ELMO2: variants seen among roughly 807,000 people sequenced by gnomAD.
ELMO2 encodes the protein engulfment and cell motility protein 2.
In ELMO2, 37 loss-of-function variants were observed where a neutral mutation model predicts 96.2. The observed-to-expected ratio is 0.38, with a 90% CI of 0.30 to 0.51. The LOEUF (loss-of-function observed/expected upper bound fraction) is 0.51. Ranked by LOEUF, ELMO2 falls within the 20% of genes least tolerant of loss-of-function variation. The pLI, the probability that ELMO2 is intolerant of heterozygous loss-of-function variation, is 0.88. For missense variants in ELMO2, 561 were observed against 912.6 expected (o/e 0.61, Z 4.96); for synonymous variants, 315 against 329.4 (o/e 0.96, Z 0.47).
intron 21 of ELMO2, 54 bp downstream of exon 21, chr20:46,368,837 A>G: frequency 1.3e-6 from 2 of 1,596,890 alleles, no homozygotes; most frequent in Non-Finnish European, 1.7e-6. Flanking sequence ...CCTGCCACCA[A>G]CTGAAGAGTT....
At chr20:46,405,533 T>C (rs2060419185) in intron 1 of ELMO2, among the ~76,000 whole-genome samples, 1 of 151,874 alleles carries the variant, frequency 6.6e-6, no homozygotes, top group South Asian at 2.1e-4. Flanking sequence ...AGGTTCTGGA[T>C]CTGACCCTAC....
chr20:46,385,846 A>G (rs2060031869), intron 9 of ELMO2, among the ~76,000 whole-genome samples: 1 of 152,190 alleles, frequency 6.6e-6, no homozygotes, highest in African/African-American at 2.4e-5. Flanking sequence ...AAAGCATCTA[A>G]TTTTGCCTGG....
intron 9 of ELMO2, 35 bp downstream of exon 9, chr20:46,386,089 A>G: frequency 6.2e-7 from 1 of 1,600,528 alleles, no homozygotes; most frequent in East Asian, 2.2e-5. Flanking sequence ...AGGACAGACA[A>G]GTGAAGGGAG....
At chr20:46,391,679 A>G (rs1376525936) in intron 6 of ELMO2, among the ~76,000 whole-genome samples, 2 of 152,094 alleles carry the variant, frequency 1.3e-5, no homozygotes, top group Non-Finnish European at 2.9e-5. Flanking sequence ...TGTTCTATTG[A>G]TTACCTGCTT....
chr20:46,403,967 C>T (rs2060378661), intron 1 of ELMO2, among the ~76,000 whole-genome samples: 1 of 152,102 alleles, frequency 6.6e-6, no homozygotes, highest in African/African-American at 2.4e-5. Context: ...ACCTGTAATC[C>T]CAGCCACTCA....
intron 6 of ELMO2, among the ~76,000 whole-genome samples, chr20:46,389,501 C>T (rs1013086792): frequency 6.6e-6 from 1 of 152,162 alleles, no homozygotes; most frequent in Non-Finnish European, 1.5e-5. Flanking sequence ...GGGAGGCCCA[C>T]TAACGATGGT....
chr20:46,375,234 A>C lies in ELMO2; in HGVS notation c.1065+2T>G. 1 of 1,613,578 alleles carries C rather than the reference A, an allele frequency of 6.2e-7. No homozygotes were observed. Among genetic ancestry groups the C allele is most frequent in the Non-Finnish European group, 8.5e-7 (1 of 1,179,956 alleles). On this transcript the variant is annotated splice_donor_variant, in intron 13 of 21. Coordinates refer to ENST00000290246, the MANE Select transcript of ELMO2 (RefSeq NM_133171.5). LOFTEE classifies it high-confidence loss of function. The surrounding 1 kb of genome is among the most constrained non-coding windows in gnomAD (Gnocchi z 4.6). ...CCACCGTCTATGCTCTGAGGTACTT[A>C]CGGTAAATCCCAGCATTTTGTAGTC...
In ELMO2 at chr20:46,394,488, C is replaced by T; in HGVS notation, c.-6G>A. 6.2e-7 allele frequency: 1 copy of T among 1,614,136 alleles called. No homozygotes were observed. Among genetic ancestry groups the T allele is most frequent in the Non-Finnish European group, 8.5e-7 (1 of 1,180,002 alleles). Reference sequence around the variant, plus strand: ...ATGTCTGACGGTGGTGGCATCGTTCCCAATGGGCTCTAATTCTGCGAGACA... The same window carrying T: ...ATGTCTGACGGTGGTGGCATCGTTCTCAATGGGCTCTAATTCTGCGAGACA... On this transcript the variant is annotated 5_prime_UTR_variant, in exon 3 of 22. Coordinates refer to ENST00000290246, the MANE Select transcript of ELMO2 (RefSeq NM_133171.5).
chr20:46,383,340 G>T, intron 10 of ELMO2, 76 bp downstream of exon 10: 2 of 1,402,784 alleles, frequency 1.4e-6, no homozygotes, highest in Non-Finnish European at 1.0e-6. Context: ...TGTGCTCTCT[G>T]CATAGCAAAG....
intron 2 of ELMO2, 50 bp from the exon 3 acceptor site, chr20:46,394,582 C>G (rs2060212209): frequency 1.5e-6 from 2 of 1,359,922 alleles, no homozygotes; most frequent in African/African-American, 2.9e-5. Context: ...CTTCATTTTT[C>G]ACTCTTGTTA....
chr20:46,367,668 T>C, intron 21 of ELMO2, 108 bp from the exon 22 acceptor site: 1 of 791,810 alleles, frequency 1.3e-6, no homozygotes, highest in Non-Finnish European at 1.9e-6. Context: ...TTGGAACTAA[T>C]CAGTATAGGC....
chr20:46,389,276 CTG>C, intron 6 of ELMO2, 56 bp from the exon 7 acceptor site: 3 of 1,550,344 alleles, frequency 1.9e-6, no homozygotes, highest in East Asian at 4.5e-5. Flanking sequence ...GGTTACTACT[CTG>C]TGGATAGCTC....
At position 46,375,533 on chromosome 20, in the gene ELMO2, G is replaced by A. The variant is rs956759619; in HGVS notation, c.930+135C>T. On this transcript the variant is annotated intron_variant, in intron 12 of 21. Coordinates refer to ENST00000290246, the MANE Select transcript of ELMO2 (RefSeq NM_133171.5). The surrounding 1 kb of genome is among the most constrained non-coding windows in gnomAD (Gnocchi z 4.6). The stretch of plus-strand genomic sequence containing the variant: ...GACAGAAATGGGCTTGGCTCATGGT[G>A]CAGATCATGCTAGATTTTCTAGGGC... The A allele has an allele frequency of 4.7e-6, 7 of 1,495,142 alleles. No individual in the cohort carries two copies. The African/African-American group carries it at 6.9e-5, about 15-fold the overall frequency. 92.6% of individuals were successfully genotyped at this position (1,495,142 alleles called of 1,614,324 possible). A position where few individuals can be genotyped will look rare whatever the true frequency, so the allele number is the denominator to read the frequency against.
At chr20:46,384,446 A>G (rs558259547) in intron 9 of ELMO2, among the ~76,000 whole-genome samples, 12 of 152,258 alleles carry the variant, frequency 7.9e-5, no homozygotes, top group South Asian at 2.1e-4. Flanking sequence ...AGGAAAGCAT[A>G]TAAGTTCTGG....
intron 16 of ELMO2, 109 bp downstream of exon 16, chr20:46,373,290 A>G: frequency 6.7e-7 from 1 of 1,488,676 alleles, no homozygotes; most frequent in South Asian, 1.3e-5. Context: ...AGTTCTGCAG[A>G]CCAAGCTGCT....
Position 46,384,804 on chromosome 20 carries a change from A to T in ELMO2, c.678-1310T>A, listed in dbSNP as rs6124789. ...CGAGACCCTGTCTCTACAAAAATAA[A>T]AAAAAAAAAAAAACTAGCCAGGTGT... On this transcript the variant is annotated intron_variant, in intron 9 of 21. Coordinates refer to ENST00000290246, the MANE Select transcript of ELMO2 (RefSeq NM_133171.5). Among the ~76,000 whole-genome samples, 284 of 151,532 alleles carry T rather than the reference A, an allele frequency of 1.9e-3. 5 individuals are homozygous for T. The East Asian group carries it at 0.03, about 16-fold the overall frequency.
rs568095689 is a variant in ELMO2 at position 46,369,051 on chromosome 20, C to T, written c.1885-83G>A. On this transcript the variant is annotated intron_variant, in intron 20 of 21. Coordinates refer to ENST00000290246, the MANE Select transcript of ELMO2 (RefSeq NM_133171.5). The stretch of plus-strand genomic sequence containing the variant: ...GATCTTGGCCAAAGTCCTAGTGACT[C>T]GGCATCATCACCAAACATGCTGATT... The T allele has an allele frequency of 1.9e-5, 24 of 1,263,746 alleles. No individual in the cohort carries two copies. In the East Asian group the frequency reaches 5.1e-4, roughly 27 times the overall value. 78.3% of individuals were successfully genotyped at this position (1,263,746 alleles called of 1,614,324 possible). A position where few individuals can be genotyped will look rare whatever the true frequency, so the allele number is the denominator to read the frequency against.
At position 46,366,662 on chromosome 20, in the gene ELMO2, T is replaced by G. The variant is rs1238770749; in HGVS notation, c.*698A>C. On this transcript the variant is annotated 3_prime_UTR_variant, in exon 22 of 22. Coordinates refer to ENST00000290246, the MANE Select transcript of ELMO2 (RefSeq NM_133171.5). ...AGCTGGGTTTTCCCTGCAGCGTTCC[T>G]GGAGACTTAAGAGGGCAGGACTTGG... 2 of 152,388 alleles carry G rather than the reference T, an allele frequency of 1.3e-5. No individual in the cohort carries two copies. Among genetic ancestry groups the G allele is most frequent in the African/African-American group, 4.8e-5 (2 of 41,472 alleles). 9.4% of individuals were successfully genotyped at this position (152,388 alleles called of 1,614,324 possible).
intron 8 of ELMO2, among the ~76,000 whole-genome samples, chr20:46,386,731 G>A (rs2060051965): frequency 6.6e-6 from 1 of 152,106 alleles, no homozygotes; most frequent in South Asian, 2.1e-4. Flanking sequence ...CTTGACACAT[G>A]GTCATTTCAC....
Sources: allele counts gnomAD v4.1 joint callset (sites outside exome capture counted in the v4.1 genomes callset), GRCh38; gene constraint gnomAD v4.1.1; non-coding constraint Gnocchi (gnomAD v3.1); transcripts MANE v1.5; gene names NCBI Gene and HGNC (gene_info 2026-07-23, HGNC 2026-07-21).